Variants in MIGA1 observed in about 807,000 individuals in gnomAD.
The protein encoded by MIGA1 is mitoguardin 1.
MIGA1 carries 58 observed loss-of-function variants against 82.0 expected under a neutral mutation model. The ratio of observed to expected loss-of-function variants is 0.71; its 90% CI spans 0.57 to 0.88. MIGA1 has a LOEUF of 0.88. MIGA1 is among the 40% of genes least tolerant of loss of function. MIGA1 has a pLI of 0.00. For missense variants in MIGA1, 751 were observed against 749.1 expected (o/e 1.00, Z -0.03); for synonymous variants, 249 against 253.6 (o/e 0.98, Z 0.17).
chr1:77,809,364 A>G (rs1474429509), intron 5 of MIGA1, among the ~76,000 whole-genome samples: 1 of 152,170 alleles, frequency 6.6e-6, no homozygotes, highest in African/African-American at 2.4e-5. Flanking sequence ...GGTAGTCTGG[A>G]CTATATAGTG....
At chr1:77,836,895 T>A (rs1335294665) in intron 7 of MIGA1, among the ~76,000 whole-genome samples, 2 of 152,110 alleles carry the variant, frequency 1.3e-5, no homozygotes, top group Non-Finnish European at 2.9e-5. Flanking sequence ...GAGGAGCCAT[T>A]TGATTAGAAA....
intron 4 of MIGA1, among the ~76,000 whole-genome samples, chr1:77,803,833 A>G (rs971863657): frequency 6.6e-6 from 1 of 152,150 alleles, no homozygotes; most frequent in African/African-American, 2.4e-5. Context: ...AATAAATAGG[A>G]TCTAGTGTTT....
At chr1:77,841,583 C>T (rs1227493638) in intron 7 of MIGA1, among the ~76,000 whole-genome samples, 2 of 150,192 alleles carry the variant, frequency 1.3e-5, no homozygotes, top group East Asian at 2.0e-4. Flanking sequence ...AAAAAAAACC[C>T]ATACTTCCTG....
intron 7 of MIGA1, among the ~76,000 whole-genome samples, chr1:77,816,729 A>G (rs1015408858): frequency 6.6e-6 from 1 of 152,238 alleles, no homozygotes; most frequent in Non-Finnish European, 1.5e-5. Context: ...CGTATCAACA[A>G]ATATAATTTG....
rs1297084373 is a variant in MIGA1, at chr1:77,878,693, A to AT, written c.*3635dup. ...TACATTTGGTATTTCTTTTAATTTC[A>AT]TTTTTTGTATTTTAATTTCCCTACA... On this transcript the variant is annotated 3_prime_UTR_variant, in exon 16 of 16. Coordinates refer to ENST00000370791, the MANE Select transcript of MIGA1 (RefSeq NM_198549.4). The AT allele has an allele frequency of 5.6e-6, 2 of 359,586 alleles. No individual in the cohort carries two copies. The highest frequency in any genetic ancestry group is 4.2e-5 in the African/African-American group (2 of 48,046). 22.3% of individuals were successfully genotyped at this position (359,586 alleles called of 1,614,324 possible).
At chr1:77,858,877 A>G (rs1685362832) in intron 8 of MIGA1, 61 bp from the exon 9 acceptor site, 2 of 905,234 alleles carry the variant, frequency 2.2e-6, no homozygotes, top group Admixed American at 1.9e-5. Flanking sequence ...AAAGTGTTGC[A>G]ATTACAGGCA....
rs574807401 is a variant in MIGA1, at chr1:77,841,886, A to C, written c.896-1421A>C. 4.7e-5 allele frequency among the ~76,000 whole-genome samples: 7 copies of C among 148,640 alleles called. No individual in the cohort carries two copies. The South Asian group carries it at 1.3e-3, about 27-fold the overall frequency. ...CAGTCATAGCTCACTGCAGCCTCAAACTCCTGGAGTCAAGCAGTTTTCCTG... is the reference window on the plus strand; with the variant it reads ...CAGTCATAGCTCACTGCAGCCTCAACCTCCTGGAGTCAAGCAGTTTTCCTG... On this transcript the variant is annotated intron_variant, in intron 7 of 15. Transcript: ENST00000370791.
rs367763380 is a variant in MIGA1, at chr1:77,879,194, T to G, written c.*4130T>G. ...TATTTGATGTAAATTTCAAAATGAT[T>G]ATAGGAATTAAGCTGAATTCTAATT... On this transcript the variant is annotated 3_prime_UTR_variant, in exon 16 of 16. Transcript: ENST00000370791. The G allele has an allele frequency of 6.6e-6, 1 of 152,460 alleles. No individual in the cohort carries two copies. Among genetic ancestry groups the G allele is most frequent in the South Asian group, 2.1e-4 (1 of 4,832 alleles). 9.4% of individuals were successfully genotyped at this position (152,460 alleles called of 1,614,324 possible).
chr1:77,823,511 T>C (rs1296886012), intron 7 of MIGA1, among the ~76,000 whole-genome samples: 2 of 152,202 alleles, frequency 1.3e-5, no homozygotes, highest in African/African-American at 4.8e-5. Context: ...GAATTTGAAA[T>C]AGTGCAGAAT....
chr1:77,804,919 G>A (rs957691742), intron 4 of MIGA1, among the ~76,000 whole-genome samples: 41 of 151,216 alleles, frequency 2.7e-4, no homozygotes, highest in African/African-American at 9.7e-4. Context: ...GAGCCACCAT[G>A]CCTGGCCTGT....
At position 77,807,045 on chromosome 1, in the gene MIGA1, A is replaced by T; in HGVS notation, c.581A>T (p.Asp194Val). 1 of 1,603,610 alleles carries T rather than the reference A, an allele frequency of 6.2e-7. No individual in the cohort carries two copies. Among genetic ancestry groups the T allele is most frequent in the Non-Finnish European group, 8.5e-7 (1 of 1,170,598 alleles). The stretch of plus-strand genomic sequence containing the variant: ...AATTCCTGGGACAAAGCAGATGAAG[A>T]TGATATTAAACTTGTTAATATTCCT... Residue 194 changes from aspartate (D) to valine (V), a missense_variant, in exon 5 of 16, where the codon GAT becomes GTT. Physicochemically the swap from Asp to Val is radical, Grantham distance 152. Transcript: ENST00000370791.
intron 4 of MIGA1, among the ~76,000 whole-genome samples, chr1:77,806,307 G>A (rs561060056): frequency 2.0e-5 from 3 of 152,226 alleles, no homozygotes; most frequent in Admixed American, 6.5e-5. Context: ...GTAATCTTAC[G>A]GTAGGGTTGA....
chr1:77,848,438 T>C (rs565412455), intron 8 of MIGA1: 7 of 927,530 alleles, frequency 7.5e-6, no homozygotes, highest in African/African-American at 5.1e-5. Context: ...AATACAGAGA[T>C]AGAGAAAAAC....
chr1:77,779,934 G>C, intron 1 of MIGA1, 198 bp downstream of exon 1: 1 of 1,377,246 alleles, frequency 7.3e-7, no homozygotes, highest in South Asian at 1.6e-5. Flanking sequence ...CCCCGACCTC[G>C]TCTCATCTCA....
At chr1:77,832,497 G>GAA (rs1341900960) in intron 7 of MIGA1, among the ~76,000 whole-genome samples, 1 of 152,194 alleles carries the variant, frequency 6.6e-6, no homozygotes, top group Non-Finnish European at 1.5e-5. Context: ...GAACACTAAG[G>GAA]AAAAGCATGT....
intron 14 of MIGA1, among the ~76,000 whole-genome samples, chr1:77,871,125 GGAGGGAGAGGGAGA>G: frequency 2.7e-5 from 2 of 74,260 alleles, no homozygotes; most frequent in South Asian, 1.1e-3. Context: ...GAGAGGGAGA[GGAGGGAGAGGGAGA>G]GGGCAGCACA....
chr1:77,814,366 A>G (rs1424113945), intron 6 of MIGA1, among the ~76,000 whole-genome samples: 1 of 152,142 alleles, frequency 6.6e-6, no homozygotes, highest in Non-Finnish European at 1.5e-5. Flanking sequence ...AGGATATGCA[A>G]AATAAGCAGA....
intron 7 of MIGA1, among the ~76,000 whole-genome samples, chr1:77,829,491 CAG>C (rs1291544135): frequency 1.3e-5 from 2 of 152,104 alleles, no homozygotes; most frequent in Non-Finnish European, 2.9e-5. Flanking sequence ...TGTTTTGAGA[CAG>C]AGTCTCGTTC....
At chr1:77,871,431 G>T (rs542296357) in intron 14 of MIGA1, among the ~76,000 whole-genome samples, 20 of 151,950 alleles carry the variant, frequency 1.3e-4, no homozygotes, top group Middle Eastern at 6.8e-3. Context: ...GAACCCGGGA[G>T]GCAGAGGTTG....
Sources: gnomAD v4.1 joint callset for allele counts (sites outside exome capture counted in the v4.1 genomes callset) on GRCh38, gnomAD v4.1.1 for gene constraint, MANE v1.5 for transcripts, NCBI Gene and HGNC (gene_info 2026-07-23, HGNC 2026-07-21) for gene names.